FANCC: variants seen among roughly 807,000 people sequenced by gnomAD.
FANCC encodes FA complementation group C.
FANCC carries 55 observed loss-of-function variants against 71.3 expected under a neutral mutation model. That is an observed-to-expected ratio of 0.77 (90% CI 0.62 to 0.97). The LOEUF (loss-of-function observed/expected upper bound fraction) is 0.97. FANCC is among the 50% of genes least tolerant of loss of function. The pLI is 0.00. For synonymous variants in FANCC, 275 were observed against 244.9 expected (o/e 1.12, Z -1.15); for missense variants, 678 against 670.9 (o/e 1.01, Z -0.12).
At chr9:95,252,286 A>AG (rs1199475467) in intron 1 of FANCC, among the ~76,000 whole-genome samples, 1 of 149,234 alleles carries the variant, frequency 6.7e-6, no homozygotes, top group Non-Finnish European at 1.5e-5. Flanking sequence ...AAAAAAAAAA[A>AG]AAAAAAAAGA....
At chr9:95,186,691 G>T (rs1264215126) in intron 4 of FANCC, 1 of 152,000 alleles carries the variant, frequency 6.6e-6, no homozygotes, top group African/African-American at 2.4e-5. Flanking sequence ...ATATATAAAG[G>T]CAAAGAAGAC....
chr9:95,124,516 T>G (rs1446678033), intron 10 of FANCC, among the ~76,000 whole-genome samples: 2 of 152,192 alleles, frequency 1.3e-5, no homozygotes, highest in Non-Finnish European at 2.9e-5. Context: ...GTTTACTGAC[T>G]GTGTCTAACA....
chr9:95,263,554 A>G (rs964463825), intron 1 of FANCC, among the ~76,000 whole-genome samples: 2 of 150,654 alleles, frequency 1.3e-5, no homozygotes, highest in African/African-American at 4.9e-5. Context: ...AGATAGATAG[A>G]TAGATATTTA....
intron 7 of FANCC, among the ~76,000 whole-genome samples, chr9:95,135,799 C>T (rs566252726): frequency 2.6e-5 from 4 of 152,120 alleles, no homozygotes; most frequent in Admixed American, 1.3e-4. Context: ...CGATAAAAAA[C>T]GGGATGGAAA....
intron 4 of FANCC, among the ~76,000 whole-genome samples, chr9:95,188,682 T>C (rs1355567427): frequency 6.6e-6 from 1 of 152,234 alleles, no homozygotes; most frequent in Non-Finnish European, 1.5e-5. Flanking sequence ...TTGTGTCTGT[T>C]TTCTCAGTAA....
chr9:95,203,900 T>C (rs1013997560), intron 4 of FANCC, among the ~76,000 whole-genome samples: 12 of 152,140 alleles, frequency 7.9e-5, no homozygotes, highest in African/African-American at 2.2e-4. Context: ...CATAATAAAA[T>C]TACATAGCTG....
chr9:95,104,331 G>C (rs1038478635), intron 14 of FANCC, among the ~76,000 whole-genome samples: 8 of 152,254 alleles, frequency 5.3e-5, no homozygotes, highest in Non-Finnish European at 1.0e-4. Context: ...ATCCGTCCCT[G>C]ACAGAGTCAG....
At position 95,104,946 on chromosome 9, in the gene FANCC, G is replaced by A. The variant is rs566509328; in HGVS notation, c.1533+2120C>T. 3.9e-5 allele frequency among the ~76,000 whole-genome samples: 6 copies of A among 152,318 alleles called. No individual in the cohort carries two copies. The East Asian group carries it at 1.2e-3, about 29-fold the overall frequency. On this transcript the variant is annotated intron_variant, in intron 14 of 14. Transcript: ENST00000289081. Reference sequence around the variant, plus strand: ...CACCCATAGGTGAGAGCATGCATTTGTCTCTCGCGTCTGGCTTATTTCGCT... The same window carrying A: ...CACCCATAGGTGAGAGCATGCATTTATCTCTCGCGTCTGGCTTATTTCGCT...
At chr9:95,110,781 A>G (rs1380363376) in intron 13 of FANCC, 18 of 1,106,544 alleles carry the variant, frequency 1.6e-5, no homozygotes, top group South Asian at 3.7e-5. Context: ...TAGCAAATCA[A>G]TGCTTGCAAG....
At position 95,125,084 on chromosome 9, in the gene FANCC, A is replaced by ACT. The variant is rs1825770738; in HGVS notation, c.996+1_996+2insAG. 6.2e-7 allele frequency: 1 copy of ACT among 1,613,484 alleles called. No individual in the cohort carries two copies. The highest frequency in any genetic ancestry group is 2.2e-5 in the East Asian group (1 of 44,882). On this transcript the variant is annotated splice_donor_variant, in intron 10 of 14. Coordinates refer to ENST00000289081, the MANE Select transcript of FANCC (RefSeq NM_000136.3). LOFTEE classifies it high-confidence loss of function. ...ATGAGTAATATATGTGATATAACAA[A>ACT]CCTGCTTGCTTGCTTTCTCCAGAGC...
intron 4 of FANCC, among the ~76,000 whole-genome samples, chr9:95,235,395 G>A (rs956932435): frequency 3.9e-5 from 6 of 152,220 alleles, no homozygotes; most frequent in Admixed American, 6.5e-5. Flanking sequence ...GGACATCAAC[G>A]TGGAAATAAG....
intron 1 of FANCC, among the ~76,000 whole-genome samples, chr9:95,256,554 GA>G (rs1252097265): frequency 6.6e-6 from 1 of 151,968 alleles, no homozygotes; most frequent in Non-Finnish European, 1.5e-5. Flanking sequence ...ATATGGAAAG[GA>G]AAACCCAGTA....
chr9:95,188,456 G>C (rs1324891060), intron 4 of FANCC, among the ~76,000 whole-genome samples: 1 of 152,146 alleles, frequency 6.6e-6, no homozygotes, highest in Admixed American at 6.5e-5. Context: ...GAAGACACAA[G>C]AAGTCAGAAG....
intron 4 of FANCC, among the ~76,000 whole-genome samples, chr9:95,180,065 T>C (rs1055972653): frequency 6.6e-6 from 1 of 152,236 alleles, no homozygotes; most frequent in South Asian, 2.1e-4. Context: ...AGCTTTATCT[T>C]AATGCTTTGT....
intron 4 of FANCC, among the ~76,000 whole-genome samples, chr9:95,222,158 A>G (rs2135941917): frequency 8.5e-6 from 1 of 116,994 alleles, no homozygotes; most frequent in African/African-American, 3.4e-5. Flanking sequence ...GCAAGGCCCC[A>G]TCTCAAAAAA....
At chr9:95,219,446 C>CA (rs1829091992) in intron 4 of FANCC, among the ~76,000 whole-genome samples, 1 of 151,970 alleles carries the variant, frequency 6.6e-6, no homozygotes, top group Non-Finnish European at 1.5e-5. Flanking sequence ...AGCCAGTCTG[C>CA]AAAAATTGAG....
intron 4 of FANCC, among the ~76,000 whole-genome samples, chr9:95,213,400 AACTT>A (rs1204274655): frequency 1.3e-5 from 2 of 152,140 alleles, no homozygotes; most frequent in African/African-American, 4.8e-5. Flanking sequence ...CTGATTTCAA[AACTT>A]ACTAAAAAGC....
chr9:95,250,873 G>A (rs1359002892), intron 1 of FANCC, among the ~76,000 whole-genome samples: 1 of 152,174 alleles, frequency 6.6e-6, no homozygotes, highest in Non-Finnish European at 1.5e-5. Flanking sequence ...ATGTAAATGA[G>A]ACCAGCACAT....
intron 1 of FANCC, among the ~76,000 whole-genome samples, chr9:95,298,639 T>G (rs1255321854): frequency 6.6e-6 from 1 of 152,180 alleles, no homozygotes; most frequent in Non-Finnish European, 1.5e-5. Flanking sequence ...CAGGGAGAAG[T>G]AGCATGAGTT....
Sources: gnomAD v4.1 joint callset for allele counts (sites outside exome capture counted in the v4.1 genomes callset) on GRCh38, gnomAD v4.1.1 for gene constraint, MANE v1.5 for transcripts, NCBI Gene and HGNC (gene_info 2026-07-23, HGNC 2026-07-21) for gene names.